GRIP1: variants seen among roughly 807,000 people sequenced by gnomAD.
The protein encoded by GRIP1 is glutamate receptor-interacting protein 1.
GRIP1 carries 45 observed loss-of-function variants against 129.9 expected under a neutral mutation model. That is an observed-to-expected ratio of 0.35 (90% CI 0.27 to 0.44). The LOEUF is 0.44. Ranked by LOEUF, GRIP1 falls within the 20% of genes least tolerant of loss-of-function variation. The pLI is 1.00. For missense variants in GRIP1, 1,196 were observed against 1,396.8 expected (o/e 0.86, Z 2.29); for synonymous variants, 530 against 520.8 (o/e 1.02, Z -0.24).
chr12:66,608,889 G>A (rs540360993), intron 1 of GRIP1, among the ~76,000 whole-genome samples: 3 of 151,810 alleles, frequency 2.0e-5, no homozygotes, highest in South Asian at 4.2e-4. Context: ...AGGAAGCTGA[G>A]TGATAGACAA....
chr12:66,382,716 A>G (rs2056170971), intron 19 of GRIP1, among the ~76,000 whole-genome samples: 1 of 152,228 alleles, frequency 6.6e-6, no homozygotes, highest in Non-Finnish European at 1.5e-5. Flanking sequence ...CTTAAGTATC[A>G]GATACTATAT....
At chr12:66,820,395 T>C (rs1456304963) in intron 1 of GRIP1, among the ~76,000 whole-genome samples, 1 of 152,232 alleles carries the variant, frequency 6.6e-6, no homozygotes, top group Admixed American at 6.5e-5. Context: ...CTCTCATTCA[T>C]TGCTGATGGG....
intron 5 of GRIP1, among the ~76,000 whole-genome samples, chr12:66,521,986 T>C (rs1481400662): frequency 1.3e-5 from 2 of 152,006 alleles, no homozygotes; most frequent in Non-Finnish European, 2.9e-5. Context: ...ATTGATTAGG[T>C]AAACAAAGCA....
At chr12:66,845,198 T>C (rs1183402944) in intron 1 of GRIP1, among the ~76,000 whole-genome samples, 1 of 152,200 alleles carries the variant, frequency 6.6e-6, no homozygotes, top group Non-Finnish European at 1.5e-5. Context: ...GACTCACAAA[T>C]ATAATCCCAG....
At chr12:67,040,665 T>C (rs2043163556) in intron 1 of GRIP1, among the ~76,000 whole-genome samples, 1 of 152,170 alleles carries the variant, frequency 6.6e-6, no homozygotes, top group Non-Finnish European at 1.5e-5. Context: ...TAAGGTTTCC[T>C]CAGCTGGGGA....
intron 19 of GRIP1, among the ~76,000 whole-genome samples, chr12:66,383,045 C>G (rs955496292): frequency 7.9e-5 from 12 of 151,968 alleles, no homozygotes; most frequent in African/African-American, 2.7e-4. Flanking sequence ...GCCTGTAATC[C>G]CAGCACTTTG....
intron 24 of GRIP1, among the ~76,000 whole-genome samples, chr12:66,350,791 T>A (rs2054187618): frequency 6.6e-6 from 1 of 152,188 alleles, no homozygotes; most frequent in Admixed American, 6.5e-5. Flanking sequence ...GATCTTCTCC[T>A]CCCCAACCCA....
intron 5 of GRIP1, among the ~76,000 whole-genome samples, chr12:66,526,951 A>G (rs2061265319): frequency 1.5e-5 from 2 of 137,422 alleles, no homozygotes; most frequent in African/African-American, 5.6e-5. Flanking sequence ...GCCATCAGAG[A>G]AATGCAAATC....
rs551130770 is a variant in GRIP1 at position 66,719,263 on chromosome 12, C to T, written c.-420+84790G>A. On this transcript the variant is annotated intron_variant, in intron 1 of 4. Transcript: ENST00000538373. Reference sequence around the variant, plus strand: ...TTGCTCTAGAAGATAATAATAATAACGGGAAAAAATTCCCATGGAGGAAGA... The same window carrying T: ...TTGCTCTAGAAGATAATAATAATAATGGGAAAAAATTCCCATGGAGGAAGA... Among the ~76,000 whole-genome samples, 108 of 152,088 alleles carry T rather than the reference C, an allele frequency of 7.1e-4. No homozygotes were observed. The South Asian group carries it at 9.8e-3, about 14-fold the overall frequency.
intron 16 of GRIP1, among the ~76,000 whole-genome samples, chr12:66,398,248 T>A (rs1252082094): frequency 2.0e-5 from 3 of 149,766 alleles, no homozygotes; most frequent in Admixed American, 6.6e-5. Flanking sequence ...AAAACATAAA[T>A]CTGAATATGT....
At chr12:66,488,639 GA>G (rs543125814) in intron 7 of GRIP1, among the ~76,000 whole-genome samples, 15 of 152,092 alleles carry the variant, frequency 9.9e-5, no homozygotes, top group Non-Finnish European at 1.9e-4. Context: ...TGAACTGAAG[GA>G]GATAGAGATG....
At chr12:66,637,232 TA>T (rs1253372305) in intron 1 of GRIP1, among the ~76,000 whole-genome samples, 6 of 151,778 alleles carry the variant, frequency 4.0e-5, no homozygotes, top group South Asian at 2.1e-4. Flanking sequence ...AAATAAATAA[TA>T]AAAAAAGATA....
chr12:66,987,903 C>T (rs1391146510), intron 1 of GRIP1, among the ~76,000 whole-genome samples: 1 of 152,176 alleles, frequency 6.6e-6, no homozygotes, highest in African/African-American at 2.4e-5. Context: ...CCTGGGAAAG[C>T]CACGGAATGA....
At chr12:66,461,110 T>A (rs2059122726) in intron 9 of GRIP1, among the ~76,000 whole-genome samples, 1 of 152,226 alleles carries the variant, frequency 6.6e-6, no homozygotes, top group African/African-American at 2.4e-5. Flanking sequence ...AATTTGTGCT[T>A]AGTCCATATA....
At chr12:66,554,080 G>A (rs896235009) in intron 2 of GRIP1, among the ~76,000 whole-genome samples, 8 of 152,158 alleles carry the variant, frequency 5.3e-5, no homozygotes, top group Admixed American at 1.3e-4. Context: ...CAGCTGGGGT[G>A]GCTAAGGGAG....
At chr12:66,415,119 G>T (rs368817306) in intron 15 of GRIP1, among the ~76,000 whole-genome samples, 1 of 151,800 alleles carries the variant, frequency 6.6e-6, no homozygotes, top group Non-Finnish European at 1.5e-5. Flanking sequence ...GGCAACAAAA[G>T]AAACTTTGAT....
chr12:66,492,656 G>C (rs949330931), intron 7 of GRIP1, among the ~76,000 whole-genome samples: 1 of 152,120 alleles, frequency 6.6e-6, no homozygotes, highest in Non-Finnish European at 1.5e-5. Context: ...ATTTGATATA[G>C]CTAGAATTTG....
intron 1 of GRIP1, among the ~76,000 whole-genome samples, chr12:67,036,145 G>A (rs2043091132): frequency 6.6e-6 from 1 of 152,080 alleles, no homozygotes; most frequent in African/African-American, 2.4e-5. Flanking sequence ...GGTTGGGTAG[G>A]TGATATATCC....
chr12:66,348,898 C>G lies in GRIP1; in HGVS notation c.*121G>C. On this transcript the variant is annotated 3_prime_UTR_variant, in exon 25 of 25. Transcript: ENST00000359742. ...AGCCATGAGAGAGATTTAAAAGACCCCTGTGCTTGCAGTTAATGCCACGTT... is the reference window on the plus strand; with the variant it reads ...AGCCATGAGAGAGATTTAAAAGACCGCTGTGCTTGCAGTTAATGCCACGTT... 1.3e-6 allele frequency: 1 copy of G among 796,464 alleles called. No homozygotes were observed. Among genetic ancestry groups the G allele is most frequent in the Middle Eastern group, 2.7e-4 (1 of 3,772 alleles). The allele number at this position is 796,464 out of a possible 1,614,324, so 49.3% of individuals were successfully genotyped here.
Sources: gnomAD v4.1 joint callset for allele counts (sites outside exome capture counted in the v4.1 genomes callset) on GRCh38, gnomAD v4.1.1 for gene constraint, MANE v1.5 for transcripts, NCBI Gene and HGNC (gene_info 2026-07-23, HGNC 2026-07-21) for gene names.